DCHS2: variants seen among roughly 807,000 people sequenced by gnomAD.
DCHS2 encodes the protein dachsous cadherin-related 2.
DCHS2 carries 142 observed loss-of-function variants against 182.4 expected under a neutral mutation model. The observed-to-expected ratio is 0.78, with a 90% CI of 0.68 to 0.89. DCHS2 has a LOEUF of 0.89. Ranked by LOEUF, DCHS2 falls within the 40% of genes least tolerant of loss-of-function variation. The pLI is 0.00. For missense variants in DCHS2, 4,319 were observed against 4,198.6 expected, an observed-to-expected ratio of 1.03 and a Z score of -0.79; for synonymous variants, 1,740 against 1,663.3, an observed-to-expected ratio of 1.05 and a Z score of -1.12.
intron 1 of DCHS2, among the ~76,000 whole-genome samples, chr4:154,455,597 G>T (rs950913950): frequency 6.6e-6 from 1 of 152,228 alleles, no homozygotes; most frequent in African/African-American, 2.4e-5. Flanking sequence ...TAGTGATTTA[G>T]ATGAAACTTA....
chr4:154,486,755 A>G (rs991504323), intron 1 of DCHS2, among the ~76,000 whole-genome samples: 1 of 152,224 alleles, frequency 6.6e-6, no homozygotes, highest in African/African-American at 2.4e-5. Context: ...TGTGGGGCGT[A>G]TGGAACACAG....
chr4:154,448,153 T>A (rs1466330425), intron 1 of DCHS2, among the ~76,000 whole-genome samples: 1 of 152,192 alleles, frequency 6.6e-6, no homozygotes, highest in Non-Finnish European at 1.5e-5. Flanking sequence ...TCTGGTTTCC[T>A]CCACATCTCA....
chr4:154,331,454 G>T, intron 5 of DCHS2: 1 of 1,004,400 alleles, frequency 1.0e-6, no homozygotes, highest in Non-Finnish European at 1.4e-6. Context: ...ATCCCATATA[G>T]CTGTATGGTT....
intron 2 of DCHS2, among the ~76,000 whole-genome samples, chr4:154,371,847 C>T (rs1197923373): frequency 2.8e-5 from 4 of 142,716 alleles, no homozygotes; most frequent in South Asian, 2.3e-4. Context: ...AGAACAGTAC[C>T]GGAGGGGGAT....
intron 1 of DCHS2, among the ~76,000 whole-genome samples, chr4:154,417,520 C>G (rs573066521): frequency 5.7e-4 from 87 of 152,220 alleles, no homozygotes; most frequent in Admixed American, 1.8e-3. Flanking sequence ...ACGAGAAAAA[C>G]CTACAAACAT....
intron 1 of DCHS2, among the ~76,000 whole-genome samples, chr4:154,466,524 C>CT (rs899964824): frequency 6.6e-6 from 1 of 152,158 alleles, no homozygotes; most frequent in Non-Finnish European, 1.5e-5. Flanking sequence ...AGACCGCTTG[C>CT]TGAAAATGCA....
chr4:154,479,778 T>C (rs1036926600), intron 1 of DCHS2, among the ~76,000 whole-genome samples: 8 of 152,304 alleles, frequency 5.3e-5, no homozygotes, highest in Admixed American at 1.3e-4. Flanking sequence ...TCTAATACCG[T>C]CAAACATTAA....
intron 1 of DCHS2, 128 bp downstream of exon 1, chr4:154,489,176 C>T (rs1478308279): frequency 2.5e-6 from 2 of 791,560 alleles, no homozygotes; most frequent in Non-Finnish European, 3.9e-6. Flanking sequence ...GTAGAGGGGG[C>T]ACTACCGCCA....
At chr4:154,391,220 A>G in intron 1 of DCHS2, 1 of 1,613,788 alleles carries the variant, frequency 6.2e-7, no homozygotes. Context: ...CACAGGCATC[A>G]GTACTTTCAA....
At chr4:154,427,265 G>GTGAA (rs1262389604) in intron 1 of DCHS2, among the ~76,000 whole-genome samples, 1 of 109,900 alleles carries the variant, frequency 9.1e-6, no homozygotes, top group East Asian at 2.8e-4. Flanking sequence ...TCTGTACACA[G>GTGAA]TGAACTGTAA....
At chr4:154,361,370 A>G (rs1275685117) in intron 3 of DCHS2, among the ~76,000 whole-genome samples, 2 of 152,212 alleles carry the variant, frequency 1.3e-5, no homozygotes, top group Non-Finnish European at 2.9e-5. Context: ...GTAAAACTAC[A>G]GAATAAATAG....
chr4:154,372,466 T>A (rs1163633915), intron 2 of DCHS2, among the ~76,000 whole-genome samples: 1 of 152,208 alleles, frequency 6.6e-6, no homozygotes, highest in Non-Finnish European at 1.5e-5. Context: ...TTCTTGCTCG[T>A]CTGACAAAAT....
intron 1 of DCHS2, among the ~76,000 whole-genome samples, chr4:154,414,480 C>T (rs1732751251): frequency 7.6e-6 from 1 of 131,834 alleles, no homozygotes; most frequent in Admixed American, 8.9e-5. Flanking sequence ...TATCTCCATA[C>T]AGCTTTCTTT....
At chr4:154,435,387 G>T (rs1161700712) in intron 1 of DCHS2, among the ~76,000 whole-genome samples, 1 of 152,088 alleles carries the variant, frequency 6.6e-6, no homozygotes, top group East Asian at 1.9e-4. Flanking sequence ...ACGAGGTCAG[G>T]AGATCGAGAC....
chr4:154,411,982 T>TA (rs1459680528), intron 1 of DCHS2, among the ~76,000 whole-genome samples: 1 of 152,268 alleles, frequency 6.6e-6, no homozygotes, highest in Non-Finnish European at 1.5e-5. Flanking sequence ...ATGTAATGTT[T>TA]ATGGGTTTAC....
Position 154,239,185 on chromosome 4 carries a change from TG to T in DCHS2, c.7476del (p.Ile2493LeufsTer37). The stretch of plus-strand genomic sequence containing the variant: ...AATAACTCACCATTCTTAGGATCAA[TG>T]GAGAATTCCTTAGAAGAGGATAGAA... The part of the protein sequence containing the change: ...YRILSSSKEF[S>X]IDPKNGTIFT... On this transcript the variant is annotated frameshift_variant, in exon 19 of 20. Coordinates refer to ENST00000357232, the MANE Select transcript of DCHS2 (RefSeq NM_001358235.2). LOFTEE classifies it low-confidence loss of function (END_TRUNC). 2 of 1,612,510 alleles carry T rather than the reference TG, an allele frequency of 1.2e-6. No individual in the cohort carries two copies. Among genetic ancestry groups the T allele is most frequent in the South Asian group, 2.2e-5 (2 of 90,904 alleles).
At position 154,490,463 on chromosome 4, in the gene DCHS2, T is replaced by A; in HGVS notation, c.893A>T (p.Gln298Leu). Residue 298 changes from glutamine (Q) to leucine (L), a missense_variant, in exon 1 of 20, where the codon CAG becomes CTG. Gln to Leu is a moderately radical substitution (Grantham distance 113, BLOSUM62 -2). Transcript: ENST00000357232. ...DENDNPPVFE[Q>L]DEYRAAVRED... is the part of the protein sequence containing the mutation. ...GCGCACCGCGGCGCGGTACTCGTCC[T>A]GCTCAAAGACCGGCGGGTTGTCGTT... 2.0e-6 allele frequency: 3 copies of A among 1,536,790 alleles called. No individual in the cohort carries two copies. Among genetic ancestry groups the A allele is most frequent in the Admixed American group, 3.9e-5 (2 of 50,964 alleles).
intron 10 of DCHS2, among the ~76,000 whole-genome samples, chr4:154,308,039 T>C (rs867040289): frequency 2.6e-5 from 4 of 152,164 alleles, no homozygotes; most frequent in African/African-American, 9.6e-5. Context: ...TATATCCTTC[T>C]CTAGCTATAA....
chr4:154,432,504 G>C (rs186142218), intron 1 of DCHS2, among the ~76,000 whole-genome samples: 7 of 152,214 alleles, frequency 4.6e-5, no homozygotes, highest in Non-Finnish European at 1.0e-4. Flanking sequence ...AGGAGTTAAA[G>C]GTCTTACATT....
Sources: gnomAD v4.1 joint callset for allele counts (sites outside exome capture counted in the v4.1 genomes callset) on GRCh38, gnomAD v4.1.1 for gene constraint, MANE v1.5 for transcripts, NCBI Gene and HGNC (gene_info 2026-07-23, HGNC 2026-07-21) for gene names.